The following MAP3K19 variants were observed in gnomAD, a reference collection of about 807,000 sequenced individuals.
MAP3K19 encodes SPS1/STE20-related protein kinase YSK4.
In MAP3K19, 91 loss-of-function variants were observed where a neutral mutation model predicts 114.4. That is an observed-to-expected ratio of 0.80 (90% CI 0.67 to 0.95). The LOEUF (loss-of-function observed/expected upper bound fraction) is 0.95. MAP3K19 is among the 40% of genes least tolerant of loss of function. The pLI is 0.00. For synonymous variants in MAP3K19, 518 were observed against 530.5 expected (o/e 0.98, Z 0.32); for missense variants, 1,471 against 1,573.2 (o/e 0.94, Z 1.10).
chr2:135,027,288 A>G (rs915877289), intron 3 of MAP3K19, among the ~76,000 whole-genome samples: 1 of 151,414 alleles, frequency 6.6e-6, no homozygotes, highest in African/African-American at 2.4e-5. Flanking sequence ...AGAGAAAGGA[A>G]GGAAGGAAGG....
chr2:135,035,310 T>C (rs879454617), intron 2 of MAP3K19, among the ~76,000 whole-genome samples: 11 of 152,072 alleles, frequency 7.2e-5, no homozygotes, highest in Non-Finnish European at 1.6e-4. Flanking sequence ...GGCAGGAGGA[T>C]CACCTCAGCC....
Position 135,031,587 on chromosome 2 carries a change from A to G in MAP3K19, c.-283-1087T>C, listed in dbSNP as rs535439033. 3.1e-4 allele frequency among the ~76,000 whole-genome samples: 47 copies of G among 152,348 alleles called. No homozygotes were observed. The South Asian group carries it at 8.3e-3, about 27-fold the overall frequency. The stretch of plus-strand genomic sequence containing the variant: ...AGGCAGACAGTGAAAGATTTTCCTC[A>G]GGAAAATGACATAATCAGGTCAGTG... On this transcript the variant is annotated intron_variant, in intron 2 of 12. Coordinates refer to ENST00000392915, the MANE Select transcript of MAP3K19 (RefSeq NM_025052.5).
At chr2:135,005,300 C>T in intron 6 of MAP3K19, 135 bp downstream of exon 6, 1 of 646,272 alleles carries the variant, frequency 1.5e-6, no homozygotes, top group Non-Finnish European at 2.7e-6. Context: ...TCCTCTCCCT[C>T]CTCCACTCCC....
chr2:134,982,754 A>G (rs1010653087), intron 11 of MAP3K19, among the ~76,000 whole-genome samples: 1 of 152,136 alleles, frequency 6.6e-6, no homozygotes, highest in Non-Finnish European at 1.5e-5. Flanking sequence ...CTGGAGTGAG[A>G]AGGAGACAGG....
At chr2:135,038,878 A>C (rs1688588192) in intron 2 of MAP3K19, among the ~76,000 whole-genome samples, 1 of 152,158 alleles carries the variant, frequency 6.6e-6, no homozygotes, top group East Asian at 1.9e-4. Context: ...AAGGTTATGC[A>C]AGAGCATATA....
intron 5 of MAP3K19, among the ~76,000 whole-genome samples, chr2:135,018,886 A>G (rs1032779025): frequency 6.6e-6 from 1 of 152,150 alleles, no homozygotes; most frequent in Non-Finnish European, 1.5e-5. Flanking sequence ...GGAATGCGAG[A>G]CTAGCCTGGC....
At chr2:135,034,218 G>A (rs1688469722) in intron 2 of MAP3K19, among the ~76,000 whole-genome samples, 1 of 119,276 alleles carries the variant, frequency 8.4e-6, no homozygotes, top group South Asian at 3.4e-4. Context: ...ATGGTGGCCG[G>A]GAAGAGGTGC....
In MAP3K19 at chr2:135,000,044, G is replaced by C. The variant is rs140581822; in HGVS notation, c.236-29C>G. 3.8e-3 allele frequency: 5,503 copies of C among 1,440,278 alleles called. 22 individuals are homozygous for C. Among genetic ancestry groups the C allele is most frequent in the Non-Finnish European group, 4.4e-3 (4,500 of 1,023,406 alleles). The allele number at this position is 1,440,278 out of a possible 1,614,324, so 89.2% of individuals were successfully genotyped here. On this transcript the variant is annotated intron_variant, in intron 6 of 12. Transcript: ENST00000392915. ...TAGAAACATACCACAGTAGTAGAAG[G>C]AAGAAAGTAATGAATTCCAGCGGAA...
chr2:135,028,386 T>C (rs1159266081), intron 3 of MAP3K19, among the ~76,000 whole-genome samples: 2 of 151,926 alleles, frequency 1.3e-5, no homozygotes, highest in African/African-American at 4.8e-5. Flanking sequence ...CAAAACCCCA[T>C]CTCTACTAAA....
Position 135,021,763 on chromosome 2 carries a change from T to G in MAP3K19, c.90A>C (p.Thr30=). The change falls in exon 5 of 13, where the codon ACA becomes ACC. Residue 30 remains threonine (T), a synonymous_variant. Coordinates refer to ENST00000392915, the MANE Select transcript of MAP3K19 (RefSeq NM_025052.5). ...DTNSSPTDLM[T]VTKNQNIILQ... ...AGATGATGTTTTGATTTTTGGTAAC[T>G]GTCATCAAATCAGTTGGAGAAGAGT... is the stretch of plus-strand genomic sequence containing the variant. The G allele has an allele frequency of 6.2e-7, 1 of 1,613,168 alleles. No individual in the cohort carries two copies. Among genetic ancestry groups the G allele is most frequent in the Non-Finnish European group, 8.5e-7 (1 of 1,179,658 alleles).
At chr2:135,038,663 C>A (rs1450119083) in intron 2 of MAP3K19, among the ~76,000 whole-genome samples, 1 of 151,892 alleles carries the variant, frequency 6.6e-6, no homozygotes, top group Non-Finnish European at 1.5e-5. Flanking sequence ...TTGGGACCAG[C>A]CTGGGCAACA....
At position 134,999,361 on chromosome 2, in the gene MAP3K19, A is replaced by G. The variant is rs554301360; in HGVS notation, c.315-364T>C. Among the ~76,000 whole-genome samples, 5 of 152,356 alleles carry G rather than the reference A, an allele frequency of 3.3e-5. No individual in the cohort carries two copies. Among genetic ancestry groups the G allele is most frequent in the Admixed American group, 2.0e-4 (3 of 15,302 alleles). On this transcript the variant is annotated intron_variant, in intron 7 of 12. Transcript: ENST00000392915. The surrounding 1 kb of genome is among the most constrained non-coding windows in gnomAD (Gnocchi z 4.1). ...AAACTATTTTTGATGAAGAACCAGC[A>G]TTTAAATTTCCAGTCATTGTGAACT...
Position 134,981,405 on chromosome 2 carries a change from T to G in MAP3K19, c.3336A>C (p.Val1112=). ...EKEYRKLQEE[V]DLLKALKHVN... ...CATGTTTCAGTGCTTTGAGCAAATCTACTTCTTCCTGTAGTTTCCGGTATT... is the reference window on the plus strand; with the variant it reads ...CATGTTTCAGTGCTTTGAGCAAATCGACTTCTTCCTGTAGTTTCCGGTATT... Residue 1112 remains valine (V), a synonymous_variant, in exon 12 of 13, where the codon GTA becomes GTC. Transcript: ENST00000392915. 3.1e-6 allele frequency: 5 copies of G among 1,614,236 alleles called. No homozygotes were observed. Among genetic ancestry groups the G allele is most frequent in the Non-Finnish European group, 4.2e-6 (5 of 1,180,042 alleles).
rs751191498 is a variant in MAP3K19 at position 134,986,308 on chromosome 2, C to A, written c.2564G>T (p.Ser855Ile). 6.2e-7 allele frequency: 1 copy of A among 1,613,956 alleles called. No individual in the cohort carries two copies. The highest frequency in any genetic ancestry group is 2.2e-5 in the East Asian group (1 of 44,880). The change falls in exon 10 of 13, where the codon AGC (serine) becomes ATC (isoleucine). Residue 855 changes from serine to isoleucine, a missense_variant. Ser to Ile is a moderately radical substitution (Grantham distance 142). Transcript: ENST00000392915. ...HQIPFIPSED[S>I]WAVPSEKNSN... The stretch of plus-strand genomic sequence containing the variant: ...ATTCTTCTCACTGGGCACTGCCCAG[C>A]TGTCTTCTGAAGGGATAAATGGGAT...
At chr2:135,005,748 G>A (rs7582173) in intron 5 of MAP3K19, among the ~76,000 whole-genome samples, 44,507 of 152,012 alleles carry the variant, frequency 0.29, 7,814 homozygotes, top group African/African-American at 0.46. Flanking sequence ...TCAAAAATGA[G>A]GAGCAAAGCT....
chr2:135,018,974 A>G (rs1386661360), intron 5 of MAP3K19, among the ~76,000 whole-genome samples: 6 of 151,932 alleles, frequency 3.9e-5, no homozygotes, highest in Non-Finnish European at 8.8e-5. Flanking sequence ...AATCCCAGCT[A>G]CTCAGGAGGC....
Position 135,005,497 on chromosome 2 carries a change from G to A in MAP3K19, c.173C>T (p.Thr58Ile). ...FDQDGDCSHS[T>I]LVNEEEDPSG... ...GGGATCTTCTTCTTCATTAACCAGT[G>A]TGGAATGACTGCAGTCACCATCTTG... Residue 58 changes from threonine (T) to isoleucine (I), a missense_variant, in exon 6 of 13, where the codon ACA (threonine) becomes ATA (isoleucine). Coordinates refer to ENST00000392915, the MANE Select transcript of MAP3K19 (RefSeq NM_025052.5). 1 of 1,614,110 alleles carries A rather than the reference G, an allele frequency of 6.2e-7. No individual in the cohort carries two copies. Among genetic ancestry groups the A allele is most frequent in the East Asian group, 2.2e-5 (1 of 44,882 alleles).
chr2:135,027,540 G>T (rs1336173170), intron 3 of MAP3K19, among the ~76,000 whole-genome samples: 1 of 152,158 alleles, frequency 6.6e-6, no homozygotes, highest in African/African-American at 2.4e-5. Flanking sequence ...ATTCACGCAT[G>T]ATGCCTTAGG....
Position 135,047,265 on chromosome 2 carries a change from A to T in MAP3K19, c.-504T>A, listed in dbSNP as rs375277949. ...ACAGTAGCCAACATCATCCTAATTC[A>T]TTGTGGCACTGATTTCTGGGACAGC... is the stretch of plus-strand genomic sequence containing the variant. On this transcript the variant is annotated 5_prime_UTR_variant, in exon 1 of 13. It removes an upstream start codon present in the reference 5' UTR. Coordinates refer to ENST00000392915, the MANE Select transcript of MAP3K19 (RefSeq NM_025052.5). 9.9e-5 allele frequency: 15 copies of T among 152,242 alleles called. 1 individual carries two copies. The East Asian group carries it at 1.3e-3, about 14-fold the overall frequency. The allele number at this position is 152,242 out of a possible 1,614,324, so 9.4% of individuals were successfully genotyped here.
Sources: allele counts gnomAD v4.1 joint callset (sites outside exome capture counted in the v4.1 genomes callset), GRCh38; gene constraint gnomAD v4.1.1; non-coding constraint Gnocchi (gnomAD v3.1); transcripts MANE v1.5; gene names NCBI Gene and HGNC (gene_info 2026-07-23, HGNC 2026-07-21).